The following DNAJC11 variants were observed in gnomAD, a reference collection of about 807,000 sequenced individuals.
The protein encoded by DNAJC11 is dnaJ homolog subfamily C member 11.
A neutral mutation model predicts 78.6 loss-of-function variants in DNAJC11; 15 were observed. That is an observed-to-expected ratio of 0.19 (90% CI 0.13 to 0.29). The LOEUF is 0.29. DNAJC11 is among the 10% of genes least tolerant of loss of function. DNAJC11 has a pLI of 1.00. For missense variants in DNAJC11, 547 were observed against 709.6 expected, an observed-to-expected ratio of 0.77 and a Z score of 2.60; for synonymous variants, 292 against 272.1, an observed-to-expected ratio of 1.07 and a Z score of -0.72.
At chr1:6,638,495 T>G (rs1183382970) in intron 11 of DNAJC11, 131 bp from the exon 12 acceptor site, 3 of 722,184 alleles carry the variant, frequency 4.2e-6, no homozygotes, top group African/African-American at 1.8e-5. Context: ...TTGTAGAACT[T>G]TAAAAAATAT....
intron 7 of DNAJC11, among the ~76,000 whole-genome samples, chr1:6,649,390 C>T (rs1642019455): frequency 6.6e-6 from 1 of 152,084 alleles, no homozygotes; most frequent in Admixed American, 6.5e-5. Context: ...AGGATGGTCT[C>T]GATCTCCTGA....
At position 6,637,383 on chromosome 1, in the gene DNAJC11, C is replaced by T. The variant is rs1426845040; in HGVS notation, c.1382-43G>A. On this transcript the variant is annotated intron_variant, in intron 13 of 15. Coordinates refer to ENST00000377577, the MANE Select transcript of DNAJC11 (RefSeq NM_018198.4). The stretch of plus-strand genomic sequence containing the variant: ...GTAGAGGAAGGCCTCCTCCAGGCAC[C>T]TCCTTGTGTGGCTTAGAGACCCCCA... 9 of 1,614,220 alleles carry T rather than the reference C, an allele frequency of 5.6e-6. 1 individual carries two copies. Among genetic ancestry groups the T allele is most frequent in the Middle Eastern group, 3.3e-4 (2 of 6,062 alleles).
chr1:6,659,366 A>G (rs1355841619), intron 4 of DNAJC11, among the ~76,000 whole-genome samples: 1 of 152,060 alleles, frequency 6.6e-6, no homozygotes, highest in African/African-American at 2.4e-5. Flanking sequence ...TCTGCCCTCT[A>G]TCTGCAACAC....
At chr1:6,651,726 A>G (rs1359463397) in intron 6 of DNAJC11, 124 bp from the exon 7 acceptor site, 1 of 716,076 alleles carries the variant, frequency 1.4e-6, no homozygotes, top group African/African-American at 1.8e-5. Flanking sequence ...CAGGGCTCTA[A>G]AAGAAGGGGG....
At chr1:6,701,075 C>T (rs899311464) in intron 1 of DNAJC11, among the ~76,000 whole-genome samples, 1 of 152,160 alleles carries the variant, frequency 6.6e-6, no homozygotes, top group African/African-American at 2.4e-5. Context: ...GTTGTTAGGG[C>T]ACCACTTTTC....
chr1:6,666,211 T>G (rs1642291234), intron 4 of DNAJC11, among the ~76,000 whole-genome samples: 1 of 152,202 alleles, frequency 6.6e-6, no homozygotes, highest in African/African-American at 2.4e-5. Context: ...TAATTTTATC[T>G]GGTCAGATAT....
chr1:6,652,761 TGA>T, intron 6 of DNAJC11, 66 bp downstream of exon 6: 4 of 1,601,236 alleles, frequency 2.5e-6, no homozygotes, highest in South Asian at 2.2e-5. Context: ...GGGTGAGCTT[TGA>T]GAGTGTAAAT....
In DNAJC11 at chr1:6,664,866, T is replaced by G. The variant is rs145221855; in HGVS notation, c.378+2843A>C. 6.8e-3 allele frequency among the ~76,000 whole-genome samples: 1,038 copies of G among 152,254 alleles called. 21 individuals are homozygous for G. Among genetic ancestry groups the G allele is most frequent in the African/African-American group, 0.023 (958 of 41,558 alleles). On this transcript the variant is annotated intron_variant, in intron 4 of 15. Coordinates refer to ENST00000377577, the MANE Select transcript of DNAJC11 (RefSeq NM_018198.4). ...TGTACCTTCTAACCTGGGCTTTTCC[T>G]CACTAGGCCTTTTTGCTTGGTAGAT... is the stretch of plus-strand genomic sequence containing the variant.
intron 1 of DNAJC11, among the ~76,000 whole-genome samples, chr1:6,696,340 G>C (rs1238070114): frequency 1.3e-5 from 2 of 152,218 alleles, no homozygotes; most frequent in Non-Finnish European, 2.9e-5. Flanking sequence ...AGGTATTTGA[G>C]TCGCTCAAAT....
At chr1:6,696,681 C>T (rs1362487494) in intron 1 of DNAJC11, among the ~76,000 whole-genome samples, 1 of 152,196 alleles carries the variant, frequency 6.6e-6, no homozygotes, top group Non-Finnish European at 1.5e-5. Context: ...TACTTTTGTA[C>T]TTCTAGTTTC....
At chr1:6,697,494 T>C (rs1642856184) in intron 1 of DNAJC11, among the ~76,000 whole-genome samples, 1 of 152,254 alleles carries the variant, frequency 6.6e-6, no homozygotes, top group Non-Finnish European at 1.5e-5. Context: ...ATAGGGTTCA[T>C]GCTCCTATGA....
At chr1:6,679,453 T>C (rs1642522098) in intron 2 of DNAJC11, among the ~76,000 whole-genome samples, 1 of 152,110 alleles carries the variant, frequency 6.6e-6, no homozygotes, top group South Asian at 2.1e-4. Flanking sequence ...TGAACTCAAA[T>C]GTCAGCAAGG....
intron 4 of DNAJC11, among the ~76,000 whole-genome samples, chr1:6,664,396 C>T (rs557121737): frequency 8.5e-4 from 129 of 152,216 alleles, no homozygotes; most frequent in African/African-American, 2.6e-3. Flanking sequence ...CCTGCCACCA[C>T]ACCCGGCTAA....
chr1:6,685,260 G>A (rs1642636490), intron 1 of DNAJC11, among the ~76,000 whole-genome samples: 1 of 152,196 alleles, frequency 6.6e-6, no homozygotes, highest in South Asian at 2.1e-4. Flanking sequence ...TGTGGTCTGG[G>A]GCATCCCAGG....
chr1:6,637,870 C>T (rs1036577209), intron 12 of DNAJC11: 7 of 417,954 alleles, frequency 1.7e-5, no homozygotes, highest in Non-Finnish European at 3.1e-5. Context: ...GCTGGAATCC[C>T]AGCTCCTCTT....
chr1:6,635,574 T>A lies in DNAJC11; in HGVS notation c.*101A>T, dbSNP rs1213052907. ...GGTACCACCTTCTATAATAATAATA[T>A]AAAATAAAAACATCTGATGTCTGGG... is the stretch of plus-strand genomic sequence containing the variant. On this transcript the variant is annotated 3_prime_UTR_variant, in exon 16 of 16. Transcript: ENST00000377577. The A allele has an allele frequency of 8.1e-7, 1 of 1,240,148 alleles. No individual in the cohort carries two copies. Among genetic ancestry groups the A allele is most frequent in the African/African-American group, 1.5e-5 (1 of 65,064 alleles). 76.8% of individuals were successfully genotyped at this position (1,240,148 alleles called of 1,614,324 possible).
intron 10 of DNAJC11, among the ~76,000 whole-genome samples, chr1:6,641,986 T>A (rs145801532): frequency 6.6e-6 from 1 of 152,150 alleles, no homozygotes; most frequent in South Asian, 2.1e-4. Context: ...TACTATGTTA[T>A]ACAAGGTGAA....
chr1:6,658,620 C>T (rs935513656), intron 4 of DNAJC11, among the ~76,000 whole-genome samples: 1 of 149,096 alleles, frequency 6.7e-6, no homozygotes, highest in Non-Finnish European at 1.5e-5. Flanking sequence ...ACTTTTGAAC[C>T]TTGTACACAT....
At chr1:6,648,425 G>T (rs1328074878) in intron 7 of DNAJC11, among the ~76,000 whole-genome samples, 1 of 152,074 alleles carries the variant, frequency 6.6e-6, no homozygotes, top group Non-Finnish European at 1.5e-5. Context: ...CAAAGTGTTG[G>T]GATTACAGGC....
Sources: allele counts gnomAD v4.1 joint callset (sites outside exome capture counted in the v4.1 genomes callset), GRCh38; gene constraint gnomAD v4.1.1; transcripts MANE v1.5; gene names NCBI Gene and HGNC (gene_info 2026-07-23, HGNC 2026-07-21).